Variants in CNTNAP2 observed in about 807,000 individuals in gnomAD.
The protein encoded by CNTNAP2 is contactin-associated protein-like 2.
CNTNAP2 carries 98 observed loss-of-function variants against 155.2 expected under a neutral mutation model. That is an observed-to-expected ratio of 0.63 (90% CI 0.54 to 0.75). The LOEUF (loss-of-function observed/expected upper bound fraction) is 0.75. Among genes scored for constraint, CNTNAP2 ranks in the 30% least tolerant of loss-of-function variants. The pLI is 0.00. For missense variants in CNTNAP2, 1,727 were observed against 1,688.1 expected (o/e 1.02, Z -0.40); for synonymous variants, 651 against 631.2 (o/e 1.03, Z -0.47).
chr7:147,499,923 G>A (rs1257327242), intron 11 of CNTNAP2, among the ~76,000 whole-genome samples: 1 of 152,180 alleles, frequency 6.6e-6, no homozygotes, highest in Non-Finnish European at 1.5e-5. Context: ...TGCATTGCAA[G>A]TGACCCTGAA....
At position 147,720,013 on chromosome 7, in the gene CNTNAP2, G is replaced by C. The variant is rs150065768; in HGVS notation, c.2098+80707G>C. On this transcript the variant is annotated intron_variant, in intron 13 of 23. Coordinates refer to ENST00000361727, the MANE Select transcript of CNTNAP2 (RefSeq NM_014141.6). ...ATTAAGACAGGCACTCCTGTATTCTGTGTGTTCATCACCTGATCTTCACTC... is the reference window on the plus strand; with the variant it reads ...ATTAAGACAGGCACTCCTGTATTCTCTGTGTTCATCACCTGATCTTCACTC... 5.5e-4 allele frequency among the ~76,000 whole-genome samples: 83 copies of C among 150,786 alleles called. No homozygotes were observed. In the East Asian group the frequency reaches 0.015, roughly 28 times the overall value.
intron 1 of CNTNAP2, among the ~76,000 whole-genome samples, chr7:146,659,506 A>AT (rs1800051196): frequency 1.3e-5 from 2 of 152,186 alleles, no homozygotes; most frequent in Admixed American, 6.5e-5. Flanking sequence ...GTTTAATTCT[A>AT]TTTTTTTCAG....
At chr7:146,597,518 T>C (rs1798881388) in intron 1 of CNTNAP2, among the ~76,000 whole-genome samples, 1 of 152,198 alleles carries the variant, frequency 6.6e-6, no homozygotes, top group East Asian at 1.9e-4. Context: ...TAGAAGTATA[T>C]ATAAATGTAA....
At chr7:146,159,241 C>T (rs1257556866) in intron 1 of CNTNAP2, among the ~76,000 whole-genome samples, 7 of 152,064 alleles carry the variant, frequency 4.6e-5, no homozygotes, top group Non-Finnish European at 8.8e-5. Context: ...CTGAAGGAAG[C>T]GCTAAACATG....
At chr7:146,672,040 TC>T (rs1269658662) in intron 1 of CNTNAP2, among the ~76,000 whole-genome samples, 1 of 152,062 alleles carries the variant, frequency 6.6e-6, no homozygotes, top group Non-Finnish European at 1.5e-5. Flanking sequence ...GGTCTTGAAC[TC>T]CTGACCTCAT....
At chr7:148,238,718 C>T (rs1330332793) in intron 20 of CNTNAP2, among the ~76,000 whole-genome samples, 1 of 152,054 alleles carries the variant, frequency 6.6e-6, no homozygotes, top group East Asian at 1.9e-4. Flanking sequence ...ATAAAAATTC[C>T]ATCTCATTCT....
At chr7:147,074,563 G>A (rs1035458805) in intron 4 of CNTNAP2, among the ~76,000 whole-genome samples, 8 of 152,008 alleles carry the variant, frequency 5.3e-5, no homozygotes, top group Admixed American at 4.6e-4. Flanking sequence ...TAAAAAACTT[G>A]CTTTCTTATC....
At chr7:147,145,181 G>T (rs1801676857) in intron 8 of CNTNAP2, among the ~76,000 whole-genome samples, 1 of 152,058 alleles carries the variant, frequency 6.6e-6, no homozygotes, top group Non-Finnish European at 1.5e-5. Context: ...ATTTCCTTTT[G>T]TTCTCTTAAT....
At chr7:147,497,280 A>T (rs1798726279) in intron 11 of CNTNAP2, 1 of 152,216 alleles carries the variant, frequency 6.6e-6, no homozygotes, top group South Asian at 2.1e-4. Flanking sequence ...AAGCTGCCAT[A>T]GAAGCTCCTG....
chr7:147,651,501 A>G (rs1795450254), intron 13 of CNTNAP2, among the ~76,000 whole-genome samples: 1 of 152,248 alleles, frequency 6.6e-6, no homozygotes, highest in Admixed American at 6.5e-5. Flanking sequence ...AACTACTGAT[A>G]AATCTATTTC....
At chr7:146,293,347 AT>A (rs1171603661) in intron 1 of CNTNAP2, among the ~76,000 whole-genome samples, 1 of 152,202 alleles carries the variant, frequency 6.6e-6, no homozygotes, top group East Asian at 1.9e-4. Flanking sequence ...TGAAACAATT[AT>A]CTTTTATCAT....
At chr7:147,317,017 G>T (rs1443389346) in intron 9 of CNTNAP2, among the ~76,000 whole-genome samples, 1 of 152,278 alleles carries the variant, frequency 6.6e-6, no homozygotes, top group Non-Finnish European at 1.5e-5. Context: ...GATAAAGAAT[G>T]ACTTTAGTCT....
At chr7:146,176,723 G>A (rs922816081) in intron 1 of CNTNAP2, among the ~76,000 whole-genome samples, 6 of 152,100 alleles carry the variant, frequency 3.9e-5, no homozygotes, top group African/African-American at 1.4e-4. Context: ...CCGTGAACCC[G>A]ACATTCTGAT....
intron 15 of CNTNAP2, among the ~76,000 whole-genome samples, chr7:148,028,937 T>G (rs963172081): frequency 6.6e-6 from 1 of 152,176 alleles, no homozygotes; most frequent in African/African-American, 2.4e-5. Context: ...CATCATAGTA[T>G]GACAATTGGG....
intron 13 of CNTNAP2, among the ~76,000 whole-genome samples, chr7:147,795,903 A>T (rs1397479725): frequency 6.6e-6 from 1 of 152,206 alleles, no homozygotes; most frequent in African/African-American, 2.4e-5. Context: ...ATCTAAATAC[A>T]TAAGCACATA....
At chr7:147,459,338 A>G (rs914377671) in intron 10 of CNTNAP2, among the ~76,000 whole-genome samples, 1 of 152,098 alleles carries the variant, frequency 6.6e-6, no homozygotes, top group African/African-American at 2.4e-5. Flanking sequence ...CAGTTCTATG[A>G]TTTCACTCTG....
intron 9 of CNTNAP2, among the ~76,000 whole-genome samples, chr7:147,319,166 G>T (rs1048742366): frequency 1.3e-4 from 20 of 151,984 alleles, no homozygotes; most frequent in African/African-American, 4.8e-4. Context: ...GTCCATAAAC[G>T]CAATGTGTCC....
intron 1 of CNTNAP2, among the ~76,000 whole-genome samples, chr7:146,526,671 A>G (rs540852284): frequency 1.2e-4 from 18 of 152,198 alleles, no homozygotes; most frequent in Non-Finnish European, 2.2e-4. Context: ...GTACATTCAA[A>G]CTGTGTCACC....
chr7:147,292,209 T>A (rs1010784722), intron 8 of CNTNAP2, among the ~76,000 whole-genome samples: 1 of 152,170 alleles, frequency 6.6e-6, no homozygotes, highest in Non-Finnish European at 1.5e-5. Context: ...TTTTTTTGTT[T>A]GATTGTATAA....
Sources: gnomAD v4.1 joint callset for allele counts (sites outside exome capture counted in the v4.1 genomes callset) on GRCh38, gnomAD v4.1.1 for gene constraint, MANE v1.5 for transcripts, NCBI Gene and HGNC (gene_info 2026-07-23, HGNC 2026-07-21) for gene names.